MMP20: variants seen among roughly 807,000 people sequenced by gnomAD.
The protein encoded by MMP20 is matrix metalloproteinase-20.
In MMP20, 50 loss-of-function variants were observed where a neutral mutation model predicts 51.8. The observed-to-expected ratio is 0.97, with a 90% CI of 0.77 to 1.22. MMP20 has a LOEUF of 1.22. MMP20 is among the 50% of genes most tolerant of loss of function. The pLI is 0.00. For missense variants in MMP20, 663 were observed against 601.4 expected (o/e 1.10, Z -1.07); for synonymous variants, 244 against 216.2 (o/e 1.13, Z -1.13).
intron 1 of MMP20, among the ~76,000 whole-genome samples, chr11:102,621,668 C>G (rs1239062221): frequency 1.3e-5 from 2 of 152,146 alleles, no homozygotes; most frequent in Non-Finnish European, 2.9e-5. Flanking sequence ...AAGCCTTATT[C>G]ATATGGAAGT....
chr11:102,614,613 C>G (rs1004421117), intron 2 of MMP20, among the ~76,000 whole-genome samples: 4 of 152,176 alleles, frequency 2.6e-5, no homozygotes, highest in Admixed American at 6.5e-5. Context: ...TTGTGTTCAA[C>G]TCCTATGAGG....
At chr11:102,606,142 T>C (rs1165947988) in intron 6 of MMP20, among the ~76,000 whole-genome samples, 1 of 152,202 alleles carries the variant, frequency 6.6e-6, no homozygotes, top group Admixed American at 6.5e-5. Context: ...AGGGATAAAG[T>C]GGTAAACAAA....
At chr11:102,588,016 G>A (rs981645693) in intron 8 of MMP20, among the ~76,000 whole-genome samples, 1 of 151,828 alleles carries the variant, frequency 6.6e-6, no homozygotes, top group African/African-American at 2.4e-5. Flanking sequence ...TGTCTTTTTG[G>A]TTCCTCTATT....
At chr11:102,606,221 T>C (rs1859513295) in intron 6 of MMP20, among the ~76,000 whole-genome samples, 1 of 152,370 alleles carries the variant, frequency 6.6e-6, no homozygotes. Flanking sequence ...GGAAACTTGC[T>C]TGCTGTCTTT....
chr11:102,590,239 A>C lies in MMP20; in HGVS notation c.1247+3200T>G, dbSNP rs548581276. ...AAATAATGTAAAAAATGAAAAACTG[A>C]TGGAACCATTAGGGCCTGCTAGAAA... On this transcript the variant is annotated intron_variant, in intron 8 of 9. Coordinates refer to ENST00000260228, the MANE Select transcript of MMP20 (RefSeq NM_004771.4). Among the ~76,000 whole-genome samples, 10 of 152,326 alleles carry C rather than the reference A, an allele frequency of 6.6e-5. No homozygotes were observed. The South Asian group carries it at 1.0e-3, about 16-fold the overall frequency.
At chr11:102,577,540 G>A (rs936483318) in intron 9 of MMP20, 114 bp from the exon 10 acceptor site, 5 of 769,210 alleles carry the variant, frequency 6.5e-6, no homozygotes, top group Non-Finnish European at 1.1e-5. Flanking sequence ...TTGTGAATTT[G>A]TCAGGTGGCA....
chr11:102,593,529 C>A lies in MMP20; in HGVS notation c.1157G>T (p.Gly386Val). ...QGPPRTIYDF[G>V]FPRHVQQIDA... ...TATTTGCTGCACGTGCCTTGGAAAT[C>A]CAAAGTCATAAATAGTCCGAGGAGG... The change falls in exon 8 of 10, where the codon GGA becomes GTA. Residue 386 changes from glycine (G) to valine (V), a missense_variant. Transcript: ENST00000260228. 1 of 1,614,140 alleles carries A rather than the reference C, an allele frequency of 6.2e-7. No individual in the cohort carries two copies. The highest frequency in any genetic ancestry group is 8.5e-7 in the Non-Finnish European group (1 of 1,180,008).
chr11:102,614,376 T>C (rs911627694), intron 2 of MMP20, among the ~76,000 whole-genome samples: 1 of 151,910 alleles, frequency 6.6e-6, no homozygotes, highest in Non-Finnish European at 1.5e-5. Flanking sequence ...GGAGCAAGAG[T>C]GGATAGGCAA....
In MMP20 at chr11:102,617,069, A is replaced by G. The variant is rs1376135355; in HGVS notation, c.127-10T>C. On this transcript the variant is annotated splice_polypyrimidine_tract_variant and intron_variant, in intron 1 of 9. Coordinates refer to ENST00000260228, the MANE Select transcript of MMP20 (RefSeq NM_004771.4). ...ATTTGTCAAGATACGCCTGAAATGG[A>G]GAGGCAGGCTGACGCGTCTACAGCG... is the stretch of plus-strand genomic sequence containing the variant. 3 of 1,614,186 alleles carry G rather than the reference A, an allele frequency of 1.9e-6. No homozygotes were observed. The highest frequency in any genetic ancestry group is 2.5e-6 in the Non-Finnish European group (3 of 1,180,024).
intron 8 of MMP20, among the ~76,000 whole-genome samples, chr11:102,591,820 T>G (rs191379977): frequency 2.0e-5 from 3 of 152,294 alleles, no homozygotes; most frequent in East Asian, 3.9e-4. Context: ...ACAGAGAATT[T>G]TGAACCTCTG....
In MMP20 at chr11:102,605,234, G is replaced by A. The variant is rs117788499; in HGVS notation, c.953+1301C>T. 6.5e-3 allele frequency: 988 copies of A among 152,178 alleles called. 6 individuals carry two copies. Among genetic ancestry groups the A allele is most frequent in the Non-Finnish European group, 9.3e-3 (632 of 68,040 alleles). 9.4% of individuals were successfully genotyped at this position (152,178 alleles called of 1,614,324 possible). A position where few individuals can be genotyped will look rare whatever the true frequency, so the allele number is the denominator to read the frequency against. On this transcript the variant is annotated intron_variant, in intron 6 of 9. Coordinates refer to ENST00000260228, the MANE Select transcript of MMP20 (RefSeq NM_004771.4). ...TACAAGCCAGGAAAAGAGGCCTTGG[G>A]GTGAAACTTACCTTGCAGTACCTTG...
chr11:102,594,169 G>T (rs1440642979), intron 7 of MMP20, among the ~76,000 whole-genome samples: 3 of 152,236 alleles, frequency 2.0e-5, no homozygotes, highest in African/African-American at 4.8e-5. Context: ...TAGAGCCAGA[G>T]ATTGGTATAT....
At chr11:102,614,856 T>C (rs1188438294) in intron 2 of MMP20, among the ~76,000 whole-genome samples, 1 of 151,882 alleles carries the variant, frequency 6.6e-6, no homozygotes, top group Non-Finnish European at 1.5e-5. Context: ...GTGTTGTAAA[T>C]ATTCTCACTA....
At chr11:102,590,847 T>C (rs1231721225) in intron 8 of MMP20, among the ~76,000 whole-genome samples, 1 of 152,150 alleles carries the variant, frequency 6.6e-6, no homozygotes. Flanking sequence ...ACATAATGAC[T>C]AAAGCTCCCC....
chr11:102,619,027 G>A (rs1565400958), intron 1 of MMP20, among the ~76,000 whole-genome samples: 1 of 152,166 alleles, frequency 6.6e-6, no homozygotes, highest in Non-Finnish European at 1.5e-5. Context: ...GGAACATGGG[G>A]TGCCCAGGCT....
chr11:102,586,899 C>T (rs1859261199), intron 8 of MMP20, among the ~76,000 whole-genome samples: 1 of 152,038 alleles, frequency 6.6e-6, no homozygotes, highest in Admixed American at 6.6e-5. Context: ...AAGAACCAAC[C>T]TTCAGTTTTG....
rs1859436444 is a variant in MMP20, at chr11:102,600,783, G to A, written c.953+5752C>T. 2.6e-5 allele frequency among the ~76,000 whole-genome samples: 4 copies of A among 152,162 alleles called. No homozygotes were observed. The East Asian group carries it at 7.7e-4, about 29-fold the overall frequency. ...TTACAGGTGTGAGCCATTGCGCCTGGCCCCATTTGCTCTTTAACCCCTTTC... is the reference window on the plus strand; with the variant it reads ...TTACAGGTGTGAGCCATTGCGCCTGACCCCATTTGCTCTTTAACCCCTTTC... On this transcript the variant is annotated intron_variant, in intron 6 of 9. Transcript: ENST00000260228.
intron 4 of MMP20, 130 bp from the exon 5 acceptor site, chr11:102,609,228 A>C: frequency 1.2e-6 from 1 of 852,862 alleles, no homozygotes. Context: ...GATTATTCAA[A>C]GGTTGGTAGG....
chr11:102,595,528 A>G (rs1198468036), intron 6 of MMP20, among the ~76,000 whole-genome samples: 1 of 152,236 alleles, frequency 6.6e-6, no homozygotes, highest in Non-Finnish European at 1.5e-5. Context: ...ATAGTATGTA[A>G]ATGAACCAGA....
Sources: gnomAD v4.1 joint callset for allele counts (sites outside exome capture counted in the v4.1 genomes callset) on GRCh38, gnomAD v4.1.1 for gene constraint, MANE v1.5 for transcripts, NCBI Gene and HGNC (gene_info 2026-07-23, HGNC 2026-07-21) for gene names.